RASAL2: variants seen among roughly 807,000 people sequenced by gnomAD.
RASAL2 encodes RAS protein activator like 2.
In RASAL2, 58 loss-of-function variants were observed where a neutral mutation model predicts 128.9. That is an observed-to-expected ratio of 0.45 (90% CI 0.36 to 0.56). The LOEUF is 0.56. Among genes scored for constraint, RASAL2 ranks in the 20% least tolerant of loss-of-function variants. The probability of loss-of-function intolerance (pLI) is 0.00; values close to 1 mark genes in which losing one functional copy is unlikely to be tolerated. For synonymous variants in RASAL2, 561 were observed against 580.8 expected, an observed-to-expected ratio of 0.97 and a Z score of 0.49; for missense variants, 1,360 against 1,601.6, an observed-to-expected ratio of 0.85 and a Z score of 2.57.
intron 12 of RASAL2, among the ~76,000 whole-genome samples, chr1:178,455,533 T>C (rs1315830882): frequency 6.6e-6 from 1 of 151,924 alleles, no homozygotes; most frequent in Non-Finnish European, 1.5e-5. Flanking sequence ...TGAGGAAACA[T>C]ATGTGGTAAT....
In RASAL2 at chr1:178,458,310, T is replaced by G; in HGVS notation, c.3018T>G (p.Thr1006=). Residue 1006 remains threonine, a synonymous_variant, in exon 14 of 18, where the codon ACT becomes ACG. Coordinates refer to ENST00000367649, the MANE Select transcript of RASAL2 (RefSeq NM_170692.4). The stretch of plus-strand genomic sequence containing the variant: ...TTGCTTTGCCACGACAAAATAGTAC[T>G]GGGCAGGCCCAGATCCGAAAAGTGG... ...IPLALPRQNS[T]GQAQIRKVDQ... The G allele has an allele frequency of 6.2e-7, 1 of 1,614,220 alleles. No individual in the cohort carries two copies. Among genetic ancestry groups the G allele is most frequent in the Non-Finnish European group, 8.5e-7 (1 of 1,180,036 alleles).
intron 1 of RASAL2, among the ~76,000 whole-genome samples, chr1:178,162,419 AATATT>A (rs1342095201): frequency 8.4e-6 from 1 of 118,884 alleles, no homozygotes; most frequent in Non-Finnish European, 1.6e-5. Context: ...TATTATATAT[AATATT>A]ATATATATTT....
At chr1:178,439,348 T>C (rs1276804457) in intron 5 of RASAL2, 74 bp from the exon 6 acceptor site, 10 of 1,314,408 alleles carry the variant, frequency 7.6e-6, no homozygotes, top group Non-Finnish European at 8.4e-6. Context: ...TTTATTGTTA[T>C]CCTCCATTGC....
chr1:178,346,872 A>G (rs1464628433), intron 3 of RASAL2, among the ~76,000 whole-genome samples: 1 of 152,222 alleles, frequency 6.6e-6, no homozygotes. Context: ...TGCAAGATCA[A>G]AATGTACTAG....
chr1:178,353,415 A>G (rs1456957215), intron 3 of RASAL2, among the ~76,000 whole-genome samples: 1 of 152,230 alleles, frequency 6.6e-6, no homozygotes, highest in Non-Finnish European at 1.5e-5. Context: ...ATGCATAACA[A>G]AAGTGACCTT....
At chr1:178,447,194 C>T (rs1677062041) in intron 9 of RASAL2, among the ~76,000 whole-genome samples, 2 of 152,006 alleles carry the variant, frequency 1.3e-5, no homozygotes, top group South Asian at 4.2e-4. Context: ...TGGTGGCTCA[C>T]ATCTATAGTT....
At chr1:178,437,917 TTTTG>T (rs549090567) in intron 5 of RASAL2, among the ~76,000 whole-genome samples, 51 of 152,208 alleles carry the variant, frequency 3.4e-4, no homozygotes, top group Middle Eastern at 3.4e-3. Context: ...TATTTTAATT[TTTTG>T]TTCTTGCCCA....
chr1:178,117,965 G>T (rs1287853192), intron 1 of RASAL2, among the ~76,000 whole-genome samples: 1 of 152,020 alleles, frequency 6.6e-6, no homozygotes, highest in Non-Finnish European at 1.5e-5. Context: ...ACGAGTTCGA[G>T]ACCAGCCTGA....
intron 3 of RASAL2, among the ~76,000 whole-genome samples, chr1:178,320,480 G>A (rs1368607354): frequency 1.3e-5 from 2 of 152,256 alleles, no homozygotes; most frequent in African/African-American, 4.8e-5. Context: ...GCCAGGTGTG[G>A]GATATAGTCT....
intron 3 of RASAL2, among the ~76,000 whole-genome samples, chr1:178,373,605 C>T (rs763671370): frequency 6.6e-6 from 1 of 152,004 alleles, no homozygotes; most frequent in South Asian, 2.1e-4. Flanking sequence ...TATCATTAAA[C>T]ATATTTTCTG....
intron 1 of RASAL2, among the ~76,000 whole-genome samples, chr1:178,215,504 T>C (rs1663395373): frequency 6.6e-6 from 1 of 152,226 alleles, no homozygotes; most frequent in Non-Finnish European, 1.5e-5. Flanking sequence ...ACTAAATCTT[T>C]GCTAAGACTT....
chr1:178,135,798 A>G (rs1660301886), intron 1 of RASAL2, among the ~76,000 whole-genome samples: 1 of 152,184 alleles, frequency 6.6e-6, no homozygotes, highest in Non-Finnish European at 1.5e-5. Context: ...CCCATCTTAC[A>G]TGGATGGCAG....
intron 14 of RASAL2, among the ~76,000 whole-genome samples, chr1:178,463,541 A>G (rs930182105): frequency 6.6e-6 from 1 of 152,158 alleles, no homozygotes; most frequent in Non-Finnish European, 1.5e-5. Context: ...AGGAAAATAG[A>G]CTACCCAGTA....
chr1:178,401,222 C>T (rs185253331), intron 4 of RASAL2, among the ~76,000 whole-genome samples: 42 of 152,272 alleles, frequency 2.8e-4, no homozygotes, highest in Admixed American at 5.2e-4. Context: ...AAGACATTGA[C>T]CTCTTATGCC....
intron 3 of RASAL2, among the ~76,000 whole-genome samples, chr1:178,346,324 C>T (rs1486618452): frequency 6.6e-6 from 1 of 151,742 alleles, no homozygotes; most frequent in African/African-American, 2.4e-5. Flanking sequence ...ATTGCTTGAG[C>T]CCAGGAATCA....
chr1:178,312,997 G>A (rs1446385375), intron 3 of RASAL2, among the ~76,000 whole-genome samples: 1 of 152,168 alleles, frequency 6.6e-6, no homozygotes, highest in Non-Finnish European at 1.5e-5. Flanking sequence ...ATAGAGAGGT[G>A]AAGTAACTTG....
At chr1:178,312,653 T>C (rs1454983438) in intron 3 of RASAL2, among the ~76,000 whole-genome samples, 1 of 152,112 alleles carries the variant, frequency 6.6e-6, no homozygotes, top group Non-Finnish European at 1.5e-5. Context: ...CGGTACAAGA[T>C]GTAGAATAAA....
intron 9 of RASAL2, among the ~76,000 whole-genome samples, chr1:178,447,697 A>G (rs1217153085): frequency 6.9e-6 from 1 of 145,802 alleles, no homozygotes; most frequent in Non-Finnish European, 1.5e-5. Flanking sequence ...AAAAAAAAAA[A>G]AAAAGCCATT....
chr1:178,418,892 T>C (rs1674951031), intron 4 of RASAL2, among the ~76,000 whole-genome samples: 1 of 152,214 alleles, frequency 6.6e-6, no homozygotes, highest in Non-Finnish European at 1.5e-5. Flanking sequence ...CTGCAAAAAC[T>C]GTAGAAGCCC....
Sources: gnomAD v4.1 joint callset for allele counts (sites outside exome capture counted in the v4.1 genomes callset) on GRCh38, gnomAD v4.1.1 for gene constraint, MANE v1.5 for transcripts, NCBI Gene and HGNC (gene_info 2026-07-23, HGNC 2026-07-21) for gene names.